HS6ST3: variants seen among roughly 807,000 people sequenced by gnomAD.
The protein encoded by HS6ST3 is heparan sulfate 6-O-sulfotransferase 3.
Under a neutral mutation model 36.7 loss-of-function variants are expected in HS6ST3, and 12 were observed. The observed-to-expected ratio is 0.33, with a 90% CI of 0.21 to 0.53. The LOEUF (loss-of-function observed/expected upper bound fraction) is 0.53. Ranked by LOEUF, HS6ST3 falls within the 20% of genes least tolerant of loss-of-function variation. The probability of loss-of-function intolerance (pLI) is 0.95; values close to 1 mark genes in which losing one functional copy is unlikely to be tolerated. For synonymous variants in HS6ST3, 240 were observed against 257.5 expected (o/e 0.93, Z 0.65); for missense variants, 584 against 640.9 (o/e 0.91, Z 0.96).
At chr13:96,707,264 A>G (rs1223054074) in intron 1 of HS6ST3, among the ~76,000 whole-genome samples, 1 of 152,202 alleles carries the variant, frequency 6.6e-6, no homozygotes, top group Non-Finnish European at 1.5e-5. Context: ...TCTCTCCTCC[A>G]TGTGAGAATA....
At chr13:96,547,179 A>G (rs1225910166) in intron 1 of HS6ST3, among the ~76,000 whole-genome samples, 2 of 152,212 alleles carry the variant, frequency 1.3e-5, no homozygotes, top group Non-Finnish European at 2.9e-5. Flanking sequence ...TTTAGGGAAC[A>G]ATAAATATTA....
At chr13:96,631,450 C>T (rs973894622) in intron 1 of HS6ST3, among the ~76,000 whole-genome samples, 1 of 152,210 alleles carries the variant, frequency 6.6e-6, no homozygotes, top group Non-Finnish European at 1.5e-5. Context: ...ACAGAAGACA[C>T]TGACTTTGTC....
chr13:96,091,665 C>G (rs779868139), intron 1 of HS6ST3, 96 bp downstream of exon 1: 92 of 1,433,632 alleles, frequency 6.4e-5, no homozygotes, highest in Non-Finnish European at 7.7e-5. Context: ...CTGCCCCTGC[C>G]GATGGTTTCC....
intron 1 of HS6ST3, among the ~76,000 whole-genome samples, chr13:96,511,950 T>C (rs2056051553): frequency 6.6e-6 from 1 of 152,200 alleles, no homozygotes; most frequent in Non-Finnish European, 1.5e-5. Context: ...CCCCATATTA[T>C]TTACTAGACA....
At chr13:96,197,647 C>T (rs1273225044) in intron 1 of HS6ST3, among the ~76,000 whole-genome samples, 1 of 152,138 alleles carries the variant, frequency 6.6e-6, no homozygotes, top group African/African-American at 2.4e-5. Context: ...CTAGCTACTT[C>T]CTAGATACAA....
At chr13:96,150,920 C>T (rs1351914589) in intron 1 of HS6ST3, among the ~76,000 whole-genome samples, 1 of 152,026 alleles carries the variant, frequency 6.6e-6, no homozygotes, top group East Asian at 1.9e-4. Flanking sequence ...ACATATATGT[C>T]TATATTCTTA....
intron 1 of HS6ST3, among the ~76,000 whole-genome samples, chr13:96,236,938 A>G (rs1265768058): frequency 6.6e-6 from 1 of 152,186 alleles, no homozygotes; most frequent in Non-Finnish European, 1.5e-5. Flanking sequence ...GGTTTAATTG[A>G]CTCACAGTTC....
intron 1 of HS6ST3, among the ~76,000 whole-genome samples, chr13:96,377,449 A>G (rs2055320427): frequency 6.6e-6 from 1 of 152,190 alleles, no homozygotes; most frequent in African/African-American, 2.4e-5. Flanking sequence ...TAAAAGCGAA[A>G]ATACACACAA....
rs191716787 is a variant in HS6ST3, at chr13:96,284,659, A to G, written c.707+193090A>G. 9.9e-5 allele frequency among the ~76,000 whole-genome samples: 15 copies of G among 152,264 alleles called. 1 individual carries two copies. The East Asian group carries it at 2.9e-3, about 29-fold the overall frequency. ...GACACACCCAGGAACAGTACTTTGC[A>G]TCCTTCAATCCAGTCAAGTTAACAC... On this transcript the variant is annotated intron_variant, in intron 1 of 1. Coordinates refer to ENST00000376705, the MANE Select transcript of HS6ST3 (RefSeq NM_153456.4).
chr13:96,515,836 A>C (rs2056070141), intron 1 of HS6ST3, among the ~76,000 whole-genome samples: 1 of 152,136 alleles, frequency 6.6e-6, no homozygotes, highest in Non-Finnish European at 1.5e-5. Context: ...ACCCAGCCTT[A>C]GGTATGTCTT....
chr13:96,377,110 A>AAAAG (rs2139444026), intron 1 of HS6ST3, among the ~76,000 whole-genome samples: 1 of 150,118 alleles, frequency 6.7e-6, no homozygotes, highest in African/African-American at 2.4e-5. Flanking sequence ...CATGACTGTA[A>AAAAG]TCTGAGCACT....
intron 1 of HS6ST3, among the ~76,000 whole-genome samples, chr13:96,285,088 G>A (rs1195627970): frequency 1.3e-5 from 2 of 151,904 alleles, no homozygotes; most frequent in African/African-American, 2.4e-5. Flanking sequence ...GCACTTCATC[G>A]CTTCATGATC....
intron 1 of HS6ST3, among the ~76,000 whole-genome samples, chr13:96,459,126 G>T (rs1274668168): frequency 6.3e-5 from 4 of 63,526 alleles, no homozygotes; most frequent in East Asian, 4.4e-4. Context: ...AAAAAAAAAA[G>T]AGGTGACATG....
intron 1 of HS6ST3, among the ~76,000 whole-genome samples, chr13:96,704,437 G>A (rs1875367201): frequency 6.6e-6 from 1 of 152,162 alleles, no homozygotes; most frequent in South Asian, 2.1e-4. Flanking sequence ...AAATTGATGT[G>A]GATGCCTCAA....
chr13:96,111,836 A>G (rs1227510593), intron 1 of HS6ST3, among the ~76,000 whole-genome samples: 2 of 152,226 alleles, frequency 1.3e-5, no homozygotes, highest in Non-Finnish European at 2.9e-5. Context: ...TGCAGATTTC[A>G]TTGGAGATAA....
At chr13:96,240,085 T>C (rs564901087) in intron 1 of HS6ST3, among the ~76,000 whole-genome samples, 2 of 152,310 alleles carry the variant, frequency 1.3e-5, no homozygotes, top group South Asian at 4.1e-4. Flanking sequence ...GTGGTGAATA[T>C]ACTGATAATA....
At chr13:96,137,636 G>A (rs997607956) in intron 1 of HS6ST3, among the ~76,000 whole-genome samples, 3 of 152,082 alleles carry the variant, frequency 2.0e-5, no homozygotes, top group African/African-American at 7.2e-5. Context: ...GTTTCACCAT[G>A]TTGGCCAGGC....
intron 1 of HS6ST3, among the ~76,000 whole-genome samples, chr13:96,338,928 G>A (rs2055115990): frequency 6.6e-6 from 1 of 152,150 alleles, no homozygotes; most frequent in Non-Finnish European, 1.5e-5. Context: ...ACAGTCGAGG[G>A]TAGGAAGTGG....
chr13:96,545,257 T>C (rs187306308), intron 1 of HS6ST3, among the ~76,000 whole-genome samples: 1 of 152,200 alleles, frequency 6.6e-6, no homozygotes, highest in African/African-American at 2.4e-5. Context: ...ATTGTGCTCA[T>C]GTTATCCCCA....
Sources: gnomAD v4.1 joint callset for allele counts (sites outside exome capture counted in the v4.1 genomes callset) on GRCh38, gnomAD v4.1.1 for gene constraint, MANE v1.5 for transcripts, NCBI Gene and HGNC (gene_info 2026-07-23, HGNC 2026-07-21) for gene names.